DAAM1: variants seen among roughly 807,000 people sequenced by gnomAD.
The protein encoded by DAAM1 is dishevelled associated activator of morphogenesis 1, also known as disheveled-associated activator of morphogenesis 1.
A neutral mutation model predicts 130.0 loss-of-function variants in DAAM1; 52 were observed. The ratio of observed to expected loss-of-function variants is 0.40; its 90% CI spans 0.32 to 0.50. DAAM1 has a LOEUF of 0.50. Among genes scored for constraint, DAAM1 ranks in the 20% least tolerant of loss-of-function variants. The probability of loss-of-function intolerance (pLI) is 0.61; values close to 1 mark genes in which losing one functional copy is unlikely to be tolerated. For missense variants in DAAM1, 1,134 were observed against 1,303.8 expected (o/e 0.87, Z 2.01); for synonymous variants, 452 against 444.5 (o/e 1.02, Z -0.21).
At chr14:59,288,041 C>G (rs1272115413) in intron 2 of DAAM1, among the ~76,000 whole-genome samples, 1 of 152,140 alleles carries the variant, frequency 6.6e-6, no homozygotes, top group East Asian at 1.9e-4. Flanking sequence ...GCTACAAAAA[C>G]CAAAACATCA....
chr14:59,208,575 C>T (rs902018350), intron 1 of DAAM1, among the ~76,000 whole-genome samples: 1 of 152,162 alleles, frequency 6.6e-6, no homozygotes, highest in African/African-American at 2.4e-5. Context: ...GTTTTCATGT[C>T]CTCTGCTTTG....
At position 59,191,806 on chromosome 14, in the gene DAAM1, A is replaced by G. The variant is rs186515605; in HGVS notation, c.-38+3038A>G. Among the ~76,000 whole-genome samples the G allele has an allele frequency of 2.1e-3, 319 of 152,262 alleles. 1 individual carries two copies. Among genetic ancestry groups the G allele is most frequent in the African/African-American group, 7.3e-3 (305 of 41,538 alleles). Reference sequence around the variant, plus strand: ...GAGACACCAAGAGAAAGATACCCAGAAGCCTTTGCCAGGCCACCAGTGTCT... The same window carrying G: ...GAGACACCAAGAGAAAGATACCCAGGAGCCTTTGCCAGGCCACCAGTGTCT... On this transcript the variant is annotated intron_variant, in intron 1 of 24. Coordinates refer to ENST00000360909, the MANE Select transcript of DAAM1 (RefSeq NM_001270520.2).
At chr14:59,221,748 C>T (rs933147050) in intron 1 of DAAM1, among the ~76,000 whole-genome samples, 1 of 152,250 alleles carries the variant, frequency 6.6e-6, no homozygotes, top group Non-Finnish European at 1.5e-5. Context: ...GTCCTGCTGA[C>T]TCAGAGGCAT....
intron 2 of DAAM1, chr14:59,264,083 A>G (rs1301618153): frequency 9.8e-6 from 2 of 204,448 alleles, no homozygotes; most frequent in African/African-American, 4.6e-5. Context: ...ACGTATTTTT[A>G]AAAAATTAGT....
chr14:59,232,615 C>CT (rs1889146217), intron 1 of DAAM1, among the ~76,000 whole-genome samples: 2 of 149,648 alleles, frequency 1.3e-5, no homozygotes, highest in South Asian at 4.3e-4. Context: ...TTTTTTCTTT[C>CT]TTTTTTTAAA....
At chr14:59,241,417 T>C (rs898481176) in intron 1 of DAAM1, among the ~76,000 whole-genome samples, 1 of 152,220 alleles carries the variant, frequency 6.6e-6, no homozygotes, top group African/African-American at 2.4e-5. Context: ...AGGAAAACAT[T>C]GGTTTTTGAG....
In DAAM1 at chr14:59,320,477, T is replaced by C. The variant is rs1594819823; in HGVS notation, c.346-13T>C. 4.4e-6 allele frequency: 7 copies of C among 1,587,802 alleles called. No individual in the cohort carries two copies. In the South Asian group the frequency reaches 7.0e-5, roughly 16 times the overall value. On this transcript the variant is annotated splice_polypyrimidine_tract_variant and intron_variant, in intron 4 of 24. Transcript: ENST00000360909. ...TAGAATTTGAAGAAGTAACTTCTGT[T>C]TTCTTTGCATAGAGAAAATCTCTGC...
chr14:59,200,197 T>C (rs1431547577), intron 1 of DAAM1, among the ~76,000 whole-genome samples: 1 of 152,146 alleles, frequency 6.6e-6, no homozygotes, highest in African/African-American at 2.4e-5. Flanking sequence ...TGTGAGACAC[T>C]GATGCTGGGT....
intron 1 of DAAM1, among the ~76,000 whole-genome samples, chr14:59,225,497 G>T (rs956089529): frequency 6.6e-6 from 1 of 152,244 alleles, no homozygotes; most frequent in Admixed American, 6.5e-5. Flanking sequence ...TCTAAAGCAA[G>T]TTGGGACTTG....
chr14:59,197,744 C>T (rs1394127724), intron 1 of DAAM1, among the ~76,000 whole-genome samples: 4 of 152,160 alleles, frequency 2.6e-5, no homozygotes, highest in Non-Finnish European at 4.4e-5. Context: ...CCATACCTTA[C>T]CTTTTCTTTC....
At chr14:59,337,869 C>CT (rs72533309) in intron 15 of DAAM1, among the ~76,000 whole-genome samples, 48,619 of 152,018 alleles carry the variant, frequency 0.32, 9,422 homozygotes, top group East Asian at 0.7. Flanking sequence ...TTCAACCTGT[C>CT]TTTTCTCAAT....
intron 2 of DAAM1, among the ~76,000 whole-genome samples, chr14:59,286,757 A>T (rs1374381574): frequency 6.6e-6 from 1 of 152,170 alleles, no homozygotes; most frequent in Non-Finnish European, 1.5e-5. Context: ...TGAACAGACC[A>T]ATAATGAGTT....
At chr14:59,333,095 T>C (rs1885503499) in intron 15 of DAAM1, among the ~76,000 whole-genome samples, 2 of 152,184 alleles carry the variant, frequency 1.3e-5, no homozygotes, top group South Asian at 4.1e-4. Context: ...TTTCATTTTG[T>C]TTTGTTTTTC....
chr14:59,282,018 A>G (rs2139544928), intron 2 of DAAM1, among the ~76,000 whole-genome samples: 1 of 152,268 alleles, frequency 6.6e-6, no homozygotes, highest in African/African-American at 2.4e-5. Flanking sequence ...TTAAGTTCAC[A>G]GTGGCTTTCA....
intron 17 of DAAM1, among the ~76,000 whole-genome samples, chr14:59,348,954 A>G (rs1594841627): frequency 6.6e-6 from 1 of 152,210 alleles, no homozygotes; most frequent in South Asian, 2.1e-4. Flanking sequence ...AATTATCAAA[A>G]TAGTTAATGA....
Position 59,368,868 on chromosome 14 carries a change from G to A in DAAM1, c.*9G>A, listed in dbSNP as rs370993803. On this transcript the variant is annotated 3_prime_UTR_variant, in exon 25 of 25. Coordinates refer to ENST00000360909, the MANE Select transcript of DAAM1 (RefSeq NM_001270520.2). The stretch of plus-strand genomic sequence containing the variant: ...CAAAACTTAATTTCTAATTTTCCAT[G>A]AATACTTTTTTTTAGAAAGCTCATT... 113 of 1,612,070 alleles carry A rather than the reference G, an allele frequency of 7.0e-5. 1 individual carries two copies. In the Middle Eastern group the frequency reaches 1.5e-3, roughly 21 times the overall value.
At chr14:59,336,400 A>AG (rs1223058448) in intron 15 of DAAM1, among the ~76,000 whole-genome samples, 1 of 152,204 alleles carries the variant, frequency 6.6e-6, no homozygotes, top group Non-Finnish European at 1.5e-5. Flanking sequence ...ATTTGACCCA[A>AG]GCCAATTAGA....
chr14:59,193,624 C>G (rs1250664635), intron 1 of DAAM1, among the ~76,000 whole-genome samples: 1 of 152,172 alleles, frequency 6.6e-6, no homozygotes, highest in Non-Finnish European at 1.5e-5. Flanking sequence ...GTGTGCAGAG[C>G]CTTCCCCATC....
chr14:59,282,062 C>A (rs1039696186), intron 2 of DAAM1, among the ~76,000 whole-genome samples: 1 of 152,146 alleles, frequency 6.6e-6, no homozygotes, highest in Non-Finnish European at 1.5e-5. Context: ...TGCTTTCTAC[C>A]TCTTTACTTC....
Sources: allele counts gnomAD v4.1 joint callset (sites outside exome capture counted in the v4.1 genomes callset), GRCh38; gene constraint gnomAD v4.1.1; transcripts MANE v1.5; gene names NCBI Gene and HGNC (gene_info 2026-07-23, HGNC 2026-07-21).